FGGY: variants seen among roughly 807,000 people sequenced by gnomAD.
FGGY encodes the protein FGGY carbohydrate kinase domain containing.
A neutral mutation model predicts 71.3 loss-of-function variants in FGGY; 72 were observed. That is an observed-to-expected ratio of 1.01 (90% CI 0.84 to 1.23). The LOEUF (loss-of-function observed/expected upper bound fraction) is 1.23. FGGY is among the 50% of genes most tolerant of loss of function. The pLI, the probability that FGGY is intolerant of heterozygous loss-of-function variation, is 0.00. For synonymous variants in FGGY, 251 were observed against 250.3 expected, an observed-to-expected ratio of 1.00 and a Z score of -0.02; for missense variants, 668 against 682.3, an observed-to-expected ratio of 0.98 and a Z score of 0.23.
At chr1:59,387,372 G>A (rs559657485) in intron 5 of FGGY, among the ~76,000 whole-genome samples, 1 of 152,058 alleles carries the variant, frequency 6.6e-6, no homozygotes, top group African/African-American at 2.4e-5. Context: ...ATTTTGTCAA[G>A]GGTTTGGGCT....
At chr1:59,637,593 A>G (rs990834233) in intron 10 of FGGY, among the ~76,000 whole-genome samples, 1 of 151,740 alleles carries the variant, frequency 6.6e-6, no homozygotes, top group Non-Finnish European at 1.5e-5. Context: ...CAAGACTGAA[A>G]CTCCATCTCA....
intron 7 of FGGY, among the ~76,000 whole-genome samples, chr1:59,546,707 G>A (rs1017402947): frequency 2.6e-5 from 4 of 151,450 alleles, no homozygotes; most frequent in Admixed American, 6.6e-5. Context: ...CACCACGCCC[G>A]GCTAATTTTT....
At chr1:59,423,789 T>G (rs2065861242) in intron 5 of FGGY, among the ~76,000 whole-genome samples, 1 of 152,162 alleles carries the variant, frequency 6.6e-6, no homozygotes, top group African/African-American at 2.4e-5. Context: ...TACTTTCATG[T>G]CTCTGTTTCT....
At chr1:59,345,699 A>T (rs935828856) in intron 3 of FGGY, among the ~76,000 whole-genome samples, 1 of 150,942 alleles carries the variant, frequency 6.6e-6, no homozygotes, top group East Asian at 1.9e-4. Flanking sequence ...ACGCCAGCAA[A>T]CAAGCCAACC....
chr1:59,526,331 G>C (rs189096198), intron 7 of FGGY, among the ~76,000 whole-genome samples: 1 of 152,128 alleles, frequency 6.6e-6, no homozygotes, highest in East Asian at 1.9e-4. Context: ...AATGAAGAGA[G>C]GAAATATTTC....
chr1:59,341,561 G>A (rs2050704679), intron 3 of FGGY, among the ~76,000 whole-genome samples: 1 of 152,060 alleles, frequency 6.6e-6, no homozygotes, highest in South Asian at 2.1e-4. Context: ...CACCTCCTGT[G>A]TTCCAAGCCC....
intron 1 of FGGY, among the ~76,000 whole-genome samples, chr1:59,303,889 A>G (rs2043101108): frequency 6.6e-6 from 1 of 152,044 alleles, no homozygotes; most frequent in Non-Finnish European, 1.5e-5. Context: ...AGGCATTTGT[A>G]TGTCATCTTT....
intron 14 of FGGY, among the ~76,000 whole-genome samples, chr1:59,728,818 C>G (rs374605104): frequency 2.6e-5 from 4 of 152,016 alleles, no homozygotes; most frequent in East Asian, 3.9e-4. Context: ...AAAATTCCCT[C>G]TTTGTCTTTG....
At chr1:59,300,956 G>A (rs960435194) in intron 1 of FGGY, among the ~76,000 whole-genome samples, 3 of 151,968 alleles carry the variant, frequency 2.0e-5, no homozygotes, top group African/African-American at 4.8e-5. Context: ...ATTATTCTAG[G>A]TTCTATTTCC....
At chr1:59,450,365 A>AT (rs913245841) in intron 5 of FGGY, among the ~76,000 whole-genome samples, 2 of 147,790 alleles carry the variant, frequency 1.4e-5, no homozygotes, top group Non-Finnish European at 2.9e-5. Context: ...TTTAAATTCA[A>AT]TTTTTTTAAA....
At chr1:59,524,581 CG>C (rs2094926049) in intron 7 of FGGY, among the ~76,000 whole-genome samples, 1 of 152,194 alleles carries the variant, frequency 6.6e-6, no homozygotes, top group Non-Finnish European at 1.5e-5. Context: ...CAGTCAGACA[CG>C]GACAGACTCA....
intron 11 of FGGY, among the ~76,000 whole-genome samples, chr1:59,653,251 C>T (rs930786248): frequency 6.6e-6 from 1 of 152,254 alleles, no homozygotes; most frequent in Non-Finnish European, 1.5e-5. Context: ...CAGTGGCAGG[C>T]AGGCCTCCTT....
chr1:59,321,247 CT>C (rs1175122147), intron 1 of FGGY, among the ~76,000 whole-genome samples: 4 of 152,180 alleles, frequency 2.6e-5, no homozygotes. Flanking sequence ...TGTACTTGCC[CT>C]TACAGCACTC....
chr1:59,643,387 G>T (rs1203268473), intron 11 of FGGY, among the ~76,000 whole-genome samples: 1 of 152,120 alleles, frequency 6.6e-6, no homozygotes, highest in African/African-American at 2.4e-5. Context: ...TAGAGATGGG[G>T]TCTCACTCTG....
In FGGY at chr1:59,660,305, T is replaced by G; in HGVS notation, c.1296+12T>G. 1 of 1,608,692 alleles carries G rather than the reference T, an allele frequency of 6.2e-7. No homozygotes were observed. Reference sequence around the variant, plus strand: ...TTCAAGCCATTGCTGTAAGATACTGTAATGCCATTTTTAAAGAGACTTAGA... The same window carrying G: ...TTCAAGCCATTGCTGTAAGATACTGGAATGCCATTTTTAAAGAGACTTAGA... On this transcript the variant is annotated intron_variant, in intron 12 of 15. Transcript: ENST00000303721.
intron 13 of FGGY, among the ~76,000 whole-genome samples, chr1:59,672,653 C>G (rs769439957): frequency 3.9e-5 from 6 of 152,130 alleles, no homozygotes; most frequent in Non-Finnish European, 7.3e-5. Context: ...ACTCCCCTGC[C>G]CTTTTTCTCT....
chr1:59,557,191 A>G (rs1272999031), intron 8 of FGGY, among the ~76,000 whole-genome samples: 1 of 152,124 alleles, frequency 6.6e-6, no homozygotes, highest in Non-Finnish European at 1.5e-5. Flanking sequence ...GTTCTGGCAA[A>G]TAAAACCGCC....
At chr1:59,364,608 A>C (rs537460659) in intron 4 of FGGY, among the ~76,000 whole-genome samples, 1 of 152,230 alleles carries the variant, frequency 6.6e-6, no homozygotes, top group Non-Finnish European at 1.5e-5. Context: ...AATAAAAAAC[A>C]TAGCTCTTGC....
chr1:59,678,328 G>T (rs1221133396), intron 14 of FGGY, among the ~76,000 whole-genome samples: 3 of 152,110 alleles, frequency 2.0e-5, no homozygotes, highest in Non-Finnish European at 2.9e-5. Context: ...ATCATCAGTA[G>T]AGTACAAAAT....
Sources: allele counts gnomAD v4.1 joint callset (sites outside exome capture counted in the v4.1 genomes callset), GRCh38; gene constraint gnomAD v4.1.1; transcripts MANE v1.5; gene names NCBI Gene and HGNC (gene_info 2026-07-23, HGNC 2026-07-21).